Variants in ST3GAL1 observed in about 807,000 individuals in gnomAD.
ST3GAL1 encodes CMP-N-acetylneuraminate-beta-galactosamide-alpha-2,3-sialyltransferase 1.
In ST3GAL1, 16 loss-of-function variants were observed where a neutral mutation model predicts 34.1. The observed-to-expected ratio is 0.47, with a 90% CI of 0.32 to 0.71. The LOEUF is 0.71. Among genes scored for constraint, ST3GAL1 ranks in the 30% least tolerant of loss-of-function variants. The probability of loss-of-function intolerance (pLI) is 0.04; values close to 1 mark genes in which losing one functional copy is unlikely to be tolerated. For missense variants in ST3GAL1, 353 were observed against 447.4 expected (o/e 0.79, Z 1.90); for synonymous variants, 191 against 184.7 (o/e 1.03, Z -0.28).
chr8:133,491,909 C>A (rs572086907), intron 3 of ST3GAL1, among the ~76,000 whole-genome samples: 1 of 152,176 alleles, frequency 6.6e-6, no homozygotes, highest in African/African-American at 2.4e-5. Context: ...GGAAGAGTAG[C>A]TCTCATCAGA....
At chr8:133,496,208 T>C (rs79265860) in intron 3 of ST3GAL1, among the ~76,000 whole-genome samples, 8 of 152,176 alleles carry the variant, frequency 5.3e-5, no homozygotes, top group Admixed American at 5.2e-4. Context: ...CTGAGTATTA[T>C]TTTTCCAGCT....
intron 1 of ST3GAL1, among the ~76,000 whole-genome samples, chr8:133,567,942 A>G (rs1441607077): frequency 7.5e-6 from 1 of 132,786 alleles, no homozygotes; most frequent in Non-Finnish European, 1.6e-5. Flanking sequence ...TTTTTTTTTG[A>G]GACAGTCTCA....
Position 133,508,548 on chromosome 8 carries a change from C to T in ST3GAL1, c.-428-9359G>A, listed in dbSNP as rs1301712278. ...TTCTACAGGGAGGAAACTGAGATCC[C>T]TGTTTGAGGCTGATCTCTGCAGCGA... On this transcript the variant is annotated intron_variant, in intron 2 of 9. Coordinates refer to ENST00000522652, the MANE Select transcript of ST3GAL1 (RefSeq NM_173344.3). This position sits in a 1 kb window ranked among gnomAD's most constrained non-coding sequence, Gnocchi z 4.1. Among the ~76,000 whole-genome samples, 1 of 152,116 alleles carries T rather than the reference C, an allele frequency of 6.6e-6. No individual in the cohort carries two copies. The highest frequency in any genetic ancestry group is 1.5e-5 in the Non-Finnish European group (1 of 68,026).
intron 2 of ST3GAL1, among the ~76,000 whole-genome samples, chr8:133,510,519 C>G (rs2945750): frequency 0.26 from 39,046 of 151,822 alleles, 5,200 homozygotes; most frequent in African/African-American, 0.31. Context: ...GCATTTGGAC[C>G]CTCAGACTTC....
chr8:133,488,808 C>T (rs541970297), intron 3 of ST3GAL1, among the ~76,000 whole-genome samples: 1 of 152,206 alleles, frequency 6.6e-6, no homozygotes, highest in Admixed American at 6.5e-5. Context: ...TAGGTGAGTC[C>T]AACGAACTGA....
At chr8:133,547,375 T>A (rs1818701521) in intron 1 of ST3GAL1, among the ~76,000 whole-genome samples, 1 of 152,010 alleles carries the variant, frequency 6.6e-6, no homozygotes, top group South Asian at 2.1e-4. Flanking sequence ...GGTCAAGCGA[T>A]CCTCCCTCTA....
chr8:133,460,418 G>A (rs1053640881), intron 9 of ST3GAL1, among the ~76,000 whole-genome samples: 2 of 152,184 alleles, frequency 1.3e-5, no homozygotes, highest in Non-Finnish European at 2.9e-5. Flanking sequence ...TGGAAAATGG[G>A]TCCAAGAATC....
At chr8:133,543,400 A>G (rs560601623) in intron 2 of ST3GAL1, among the ~76,000 whole-genome samples, 1 of 152,352 alleles carries the variant, frequency 6.6e-6, no homozygotes, top group South Asian at 2.1e-4. Context: ...ATAATAGTCA[A>G]ATTAATGTTA....
chr8:133,564,396 C>A (rs187139089), intron 1 of ST3GAL1, among the ~76,000 whole-genome samples: 1 of 152,240 alleles, frequency 6.6e-6, no homozygotes, highest in African/African-American at 2.4e-5. Flanking sequence ...ACTGGAAAAC[C>A]TATTCTGTTT....
At chr8:133,549,275 G>T (rs552070373) in intron 1 of ST3GAL1, among the ~76,000 whole-genome samples, 4 of 152,114 alleles carry the variant, frequency 2.6e-5, no homozygotes, top group Non-Finnish European at 5.9e-5. Context: ...GGTGGCACAC[G>T]CCTGTAATCC....
Position 133,497,455 on chromosome 8 carries a change from A to ATTTTTTTTTTTTTTTTTTTTTTTTT in ST3GAL1, c.-374+1679_-374+1680insAAAAAAAAAAAAAAAAAAAAAAAAA, listed in dbSNP as rs1816988627. Among the ~76,000 whole-genome samples, 10 of 101,242 alleles carry ATTTTTTTTTTTTTTTTTTTTTTTTT rather than the reference A, an allele frequency of 9.9e-5. 5 individuals carry two copies. The highest frequency in any genetic ancestry group is 2.3e-4 in the African/African-American group (6 of 26,532). 66.4% of individuals were successfully genotyped at this position (101,242 alleles called of 152,430 possible). On this transcript the variant is annotated intron_variant, in intron 3 of 9. Transcript: ENST00000522652. The stretch of plus-strand genomic sequence containing the variant: ...CTTCTCTCCCATGCAATTTTGTTGG[A>ATTTTTTTTTTTTTTTTTTTTTTTTT]ATTTTTTTTTTTTTTTTTTTTTTTT...
chr8:133,568,472 T>G (rs1417742805), intron 1 of ST3GAL1, among the ~76,000 whole-genome samples: 7 of 152,334 alleles, frequency 4.6e-5, no homozygotes, highest in Non-Finnish European at 8.8e-5. Context: ...CTAGAATTCT[T>G]TGTGACCGGG....
At chr8:133,564,691 G>A (rs745501427) in intron 1 of ST3GAL1, among the ~76,000 whole-genome samples, 17 of 152,092 alleles carry the variant, frequency 1.1e-4, no homozygotes, top group Admixed American at 3.9e-4. Context: ...CACCCACACC[G>A]CCCTGTCTAA....
rs528031673 is a variant in ST3GAL1 at position 133,548,915 on chromosome 8, G to A, written c.-581-2989C>T. On this transcript the variant is annotated intron_variant, in intron 1 of 9. Coordinates refer to ENST00000522652, the MANE Select transcript of ST3GAL1 (RefSeq NM_173344.3). ...GACCAGTGAATCCATGAATAAATGG[G>A]TGAACAGCCAGATCAATCTCAGAGA... Among the ~76,000 whole-genome samples the A allele has an allele frequency of 1.9e-4, 29 of 152,322 alleles. 1 individual carries two copies. Among genetic ancestry groups the A allele is most frequent in the African/African-American group, 7.0e-4 (29 of 41,564 alleles).
At chr8:133,532,407 C>G (rs961562496) in intron 2 of ST3GAL1, among the ~76,000 whole-genome samples, 36 of 151,988 alleles carry the variant, frequency 2.4e-4, no homozygotes, top group Non-Finnish European at 8.8e-5. Flanking sequence ...TTGCAGTGAG[C>G]CGAGATTGCA....
chr8:133,509,726 T>C (rs1233475089), intron 2 of ST3GAL1, among the ~76,000 whole-genome samples: 1 of 152,218 alleles, frequency 6.6e-6, no homozygotes, highest in Admixed American at 6.5e-5. Context: ...GAGCTGATCA[T>C]GTCCCTCTGG....
At chr8:133,516,599 C>A (rs1388766012) in intron 2 of ST3GAL1, among the ~76,000 whole-genome samples, 1 of 152,220 alleles carries the variant, frequency 6.6e-6, no homozygotes. Context: ...AAGGCCAAAA[C>A]CAGTTTACAT....
rs1253984360 is a variant in ST3GAL1, at chr8:133,540,924, T to TATAGACACATATATAGAC, written c.-429+4849_-429+4850insGTCTATATATGTGTCTAT. ...ATATATAGACATATATATAGACATA[T>TATAGACACATATATAGAC]ATATATAGACATATATAGACATATA... is the stretch of plus-strand genomic sequence containing the variant. On this transcript the variant is annotated intron_variant, in intron 2 of 9. Coordinates refer to ENST00000522652, the MANE Select transcript of ST3GAL1 (RefSeq NM_173344.3). Among the ~76,000 whole-genome samples, 2 of 75,890 alleles carry TATAGACACATATATAGAC rather than the reference T, an allele frequency of 2.6e-5. 1 individual carries two copies. Among genetic ancestry groups the TATAGACACATATATAGAC allele is most frequent in the Non-Finnish European group, 5.0e-5 (2 of 39,936 alleles). 49.8% of individuals were successfully genotyped at this position (75,890 alleles called of 152,430 possible).
chr8:133,485,968 T>A (rs888809884), intron 3 of ST3GAL1, among the ~76,000 whole-genome samples: 12 of 152,208 alleles, frequency 7.9e-5, no homozygotes, highest in African/African-American at 2.7e-4. Flanking sequence ...GTGTCAACAC[T>A]GAGGACACCT....
Sources: allele counts gnomAD v4.1 joint callset (sites outside exome capture counted in the v4.1 genomes callset), GRCh38; gene constraint gnomAD v4.1.1; non-coding constraint Gnocchi (gnomAD v3.1); transcripts MANE v1.5; gene names NCBI Gene and HGNC (gene_info 2026-07-23, HGNC 2026-07-21).